Variants in CNBD1 observed in about 807,000 individuals in gnomAD.
CNBD1 encodes the protein cyclic nucleotide binding domain containing 1, also known as cyclic nucleotide-binding domain-containing protein 1.
CNBD1 carries 71 observed loss-of-function variants against 54.4 expected under a neutral mutation model. The ratio of observed to expected loss-of-function variants is 1.30; its 90% confidence interval spans 1.08 to 1.59. The LOEUF (loss-of-function observed/expected upper bound fraction) is 1.59. Ranked by LOEUF, CNBD1 falls within the 40% of genes most tolerant of loss-of-function variation. CNBD1 has a pLI of 0.00. For synonymous variants in CNBD1, 182 were observed against 170.7 expected (o/e 1.07, Z -0.51); for missense variants, 659 against 518.0 (o/e 1.27, Z -2.64).
intron 4 of CNBD1, among the ~76,000 whole-genome samples, chr8:87,002,420 G>A (rs377070379): frequency 2.0e-5 from 3 of 152,058 alleles, no homozygotes; most frequent in Non-Finnish European, 4.4e-5. Context: ...GAGTCCTTTC[G>A]ATATCCCACA....
chr8:87,306,161 A>G (rs1809139092), intron 8 of CNBD1, among the ~76,000 whole-genome samples: 1 of 152,204 alleles, frequency 6.6e-6, no homozygotes, highest in Admixed American at 6.5e-5. Flanking sequence ...GATGCTCAAC[A>G]TCACTAATGA....
intron 1 of CNBD1, among the ~76,000 whole-genome samples, chr8:86,879,879 A>T (rs1808578533): frequency 1.9e-5 from 2 of 107,454 alleles, no homozygotes; most frequent in African/African-American, 7.4e-5. Context: ...CAAAAAAAAA[A>T]GGAAAAAAGA....
At chr8:87,123,336 G>A (rs1317968432) in intron 4 of CNBD1, among the ~76,000 whole-genome samples, 1 of 151,586 alleles carries the variant, frequency 6.6e-6, no homozygotes, top group Admixed American at 6.6e-5. Context: ...GCAATGGTAT[G>A]AAACTAGAAA....
At chr8:86,951,227 A>C (rs1807609986) in intron 4 of CNBD1, among the ~76,000 whole-genome samples, 1 of 152,176 alleles carries the variant, frequency 6.6e-6, no homozygotes, top group Non-Finnish European at 1.5e-5. Flanking sequence ...AATAGATTTA[A>C]TATCAGGTAA....
At chr8:87,323,873 C>G (rs1809599330) in intron 8 of CNBD1, among the ~76,000 whole-genome samples, 1 of 134,576 alleles carries the variant, frequency 7.4e-6, no homozygotes, top group Non-Finnish European at 1.7e-5. Context: ...GCATCTCTGT[C>G]TTGTGCCAGT....
intron 8 of CNBD1, among the ~76,000 whole-genome samples, chr8:87,314,876 A>C (rs182390382): frequency 6.6e-6 from 1 of 152,170 alleles, no homozygotes; most frequent in Non-Finnish European, 1.5e-5. Context: ...ATGATGTAAA[A>C]TAAGACAGTT....
At chr8:87,331,759 C>G (rs559182165) in intron 8 of CNBD1, among the ~76,000 whole-genome samples, 1 of 152,172 alleles carries the variant, frequency 6.6e-6, no homozygotes, top group Non-Finnish European at 1.5e-5. Context: ...GCCATTCTGA[C>G]TGGCATGAAG....
chr8:87,346,909 C>G (rs887721402), intron 8 of CNBD1, among the ~76,000 whole-genome samples: 2 of 152,154 alleles, frequency 1.3e-5, no homozygotes, highest in Non-Finnish European at 2.9e-5. Context: ...GCCCCAATAT[C>G]ATGAGTGAGA....
intron 6 of CNBD1, among the ~76,000 whole-genome samples, chr8:87,272,303 T>C (rs765965532): frequency 6.6e-6 from 1 of 152,044 alleles, no homozygotes; most frequent in Non-Finnish European, 1.5e-5. Flanking sequence ...GATTTGATTA[T>C]ATAAATGTAT....
intron 4 of CNBD1, among the ~76,000 whole-genome samples, chr8:87,091,100 A>G (rs1168069643): frequency 6.7e-6 from 1 of 148,650 alleles, no homozygotes; most frequent in Non-Finnish European, 1.5e-5. Flanking sequence ...AGGTAGTGCT[A>G]CTACACTCCA....
chr8:87,122,814 G>A (rs1811916664), intron 4 of CNBD1, among the ~76,000 whole-genome samples: 1 of 151,856 alleles, frequency 6.6e-6, no homozygotes, highest in South Asian at 2.1e-4. Flanking sequence ...TCTGAAGACA[G>A]TGTTTTTCCC....
intron 4 of CNBD1, among the ~76,000 whole-genome samples, chr8:87,133,516 C>T (rs1398069668): frequency 6.6e-6 from 1 of 152,106 alleles, no homozygotes; most frequent in Non-Finnish European, 1.5e-5. Context: ...AATTATCCCC[C>T]ATCATGGAAA....
chr8:87,231,066 A>C (rs1310128454), intron 5 of CNBD1, among the ~76,000 whole-genome samples: 1 of 152,096 alleles, frequency 6.6e-6, no homozygotes, highest in Non-Finnish European at 1.5e-5. Context: ...GAAGGAAGAG[A>C]GAGTAGGGGA....
chr8:87,274,635 ATTTG>A (rs2130861021), intron 6 of CNBD1, among the ~76,000 whole-genome samples: 1 of 134,860 alleles, frequency 7.4e-6, no homozygotes, highest in African/African-American at 3.0e-5. Flanking sequence ...TTTCTTGTAA[ATTTG>A]TTTGAGTTCA....
At chr8:87,201,433 A>G (rs945462372) in intron 4 of CNBD1, among the ~76,000 whole-genome samples, 1 of 152,222 alleles carries the variant, frequency 6.6e-6, no homozygotes, top group African/African-American at 2.4e-5. Flanking sequence ...AAAGGAAACT[A>G]AAACTATCTC....
Position 87,183,481 on chromosome 8 carries a change from G to T in CNBD1, c.432-22512G>T, listed in dbSNP as rs142709165. Among the ~76,000 whole-genome samples, 82 of 139,310 alleles carry T rather than the reference G, an allele frequency of 5.9e-4. 1 individual carries two copies. The highest frequency in any genetic ancestry group is 1.9e-3 in the African/African-American group (72 of 37,540). 91.4% of individuals were successfully genotyped at this position (139,310 alleles called of 152,430 possible). On this transcript the variant is annotated intron_variant, in intron 4 of 10. Transcript: ENST00000518476. ...TTGGATTGAGTTTCAGACTCCTCTTGTATCTCGATGAGTTTTCTTGCCATC... is the reference window on the plus strand; with the variant it reads ...TTGGATTGAGTTTCAGACTCCTCTTTTATCTCGATGAGTTTTCTTGCCATC...
chr8:87,206,183 C>T (rs1813971580), intron 5 of CNBD1, 45 bp downstream of exon 5: 1 of 1,407,340 alleles, frequency 7.1e-7, no homozygotes, highest in Admixed American at 2.6e-5. Context: ...AAAATGCAGG[C>T]CACTGTTTCG....
At chr8:87,253,351 C>T (rs1807947328) in intron 6 of CNBD1, among the ~76,000 whole-genome samples, 1 of 151,986 alleles carries the variant, frequency 6.6e-6, no homozygotes, top group Non-Finnish European at 1.5e-5. Context: ...GTGTTTCTTC[C>T]CTGGCATCCT....
At chr8:87,132,185 C>A (rs1812130646) in intron 4 of CNBD1, among the ~76,000 whole-genome samples, 1 of 151,412 alleles carries the variant, frequency 6.6e-6, no homozygotes, top group African/African-American at 2.4e-5. Context: ...CCATATTATA[C>A]CTTGCTTCAT....
Sources: allele counts gnomAD v4.1 joint callset (sites outside exome capture counted in the v4.1 genomes callset), GRCh38; gene constraint gnomAD v4.1.1; transcripts MANE v1.5; gene names NCBI Gene and HGNC (gene_info 2026-07-23, HGNC 2026-07-21).